FNDC1: variants seen among roughly 807,000 people sequenced by gnomAD.
FNDC1 encodes fibronectin type III domain containing 1, also known as fibronectin type III domain-containing protein 1.
A neutral mutation model predicts 168.0 loss-of-function variants in FNDC1; 96 were observed. That is an observed-to-expected ratio of 0.57 (90% confidence interval 0.48 to 0.68). The LOEUF is 0.68. Among genes scored for constraint, FNDC1 ranks in the 30% least tolerant of loss-of-function variants. FNDC1 has a pLI of 0.00. For synonymous variants in FNDC1, 1,099 were observed against 1,025.9 expected (o/e 1.07, Z -1.36); for missense variants, 2,587 against 2,482.1 (o/e 1.04, Z -0.90).
intron 4 of FNDC1, among the ~76,000 whole-genome samples, chr6:159,212,390 TA>T (rs1287676213): frequency 6.6e-6 from 1 of 152,264 alleles, no homozygotes; most frequent in African/African-American, 2.4e-5. Context: ...TTAAATAGTT[TA>T]ATTGCAAATG....
intron 11 of FNDC1, among the ~76,000 whole-genome samples, chr6:159,235,646 C>T (rs557948634): frequency 6.6e-6 from 1 of 152,318 alleles, no homozygotes; most frequent in East Asian, 1.9e-4. Context: ...CAGAGACAGA[C>T]AGAAACAACA....
At chr6:159,270,558 C>T (rs1201774586) in intron 22 of FNDC1, among the ~76,000 whole-genome samples, 3 of 152,162 alleles carry the variant, frequency 2.0e-5, no homozygotes, top group Non-Finnish European at 4.4e-5. Flanking sequence ...AGCACACTCA[C>T]TGGTGGAAGG....
At chr6:159,227,720 G>A (rs931891645) in intron 9 of FNDC1, among the ~76,000 whole-genome samples, 3 of 151,062 alleles carry the variant, frequency 2.0e-5, no homozygotes, top group Non-Finnish European at 4.4e-5. Context: ...TTAAATCAGG[G>A]GTGTACAATC....
chr6:159,238,799 G>A lies in FNDC1; in HGVS notation c.4180+134G>A, dbSNP rs1037248814. 9.5e-5 allele frequency: 60 copies of A among 628,758 alleles called. 1 individual carries two copies. The highest frequency in any genetic ancestry group is 1.6e-4 in the Non-Finnish European group (59 of 371,932). 38.9% of individuals were successfully genotyped at this position (628,758 alleles called of 1,614,324 possible). ...TACTTTTACCCATGTGAGAAGAAGAGCCTCAAAAGAGGCAGAACTTGGTGT... is the reference window on the plus strand; with the variant it reads ...TACTTTTACCCATGTGAGAAGAAGAACCTCAAAAGAGGCAGAACTTGGTGT... On this transcript the variant is annotated intron_variant, in intron 13 of 22. Transcript: ENST00000297267.
chr6:159,216,903 G>C (rs928604430), intron 5 of FNDC1, among the ~76,000 whole-genome samples: 1 of 152,212 alleles, frequency 6.6e-6, no homozygotes, highest in African/African-American at 2.4e-5. Context: ...TAAGATCCAG[G>C]CTCTCTTCCC....
In FNDC1 at chr6:159,199,287, C is replaced by T. The variant is rs56234641; in HGVS notation, c.305-709C>T. Among the ~76,000 whole-genome samples, 707 of 152,280 alleles carry T rather than the reference C, an allele frequency of 4.6e-3. 6 individuals are homozygous for T. Among genetic ancestry groups the T allele is most frequent in the African/African-American group, 0.016 (666 of 41,570 alleles). On this transcript the variant is annotated intron_variant, in intron 2 of 22. Transcript: ENST00000297267. ...CATGGGTCTTCATTTCCTTTCCCAT[C>T]CCATCAACTTTAGGAGCTCAGCCCA... is the stretch of plus-strand genomic sequence containing the variant.
At position 159,234,493 on chromosome 6, in the gene FNDC1, TCAAA is replaced by T; in HGVS notation, c.3967+17_3967+20del. 9 of 1,612,230 alleles carry T rather than the reference TCAAA, an allele frequency of 5.6e-6. No individual in the cohort carries two copies. Among genetic ancestry groups the T allele is most frequent in the African/African-American group, 1.3e-5 (1 of 75,052 alleles). On this transcript the variant is annotated intron_variant, in intron 11 of 22. Transcript: ENST00000297267. ...CTTACAGACAAGGTAGTTTATTTTTTCAAACAGTCTTTCTTTAAGGTGTTCAGTG... is the reference window on the plus strand; with the variant it reads ...CTTACAGACAAGGTAGTTTATTTTTTCAGTCTTTCTTTAAGGTGTTCAGTG...
intron 20 of FNDC1, 93 bp downstream of exon 20, chr6:159,265,097 G>A (rs1484550065): frequency 1.8e-6 from 2 of 1,136,382 alleles, no homozygotes; most frequent in African/African-American, 1.6e-5. Context: ...TAGAAAGTCT[G>A]GACCATTTTC....
rs1782887195 is a variant in FNDC1, at chr6:159,223,650, T to G, written c.884+5T>G. On this transcript the variant is annotated splice_donor_5th_base_variant and intron_variant, in intron 7 of 22. Transcript: ENST00000297267. Reference sequence around the variant, plus strand: ...GAAGAAAGTTGTTGCATCAAGGTACTTTTGCTTATTTATTTGTCTTTATAT... The same window carrying G: ...GAAGAAAGTTGTTGCATCAAGGTACGTTTGCTTATTTATTTGTCTTTATAT... 22 of 1,575,790 alleles carry G rather than the reference T, an allele frequency of 1.4e-5. No individual in the cohort carries two copies. Among genetic ancestry groups the G allele is most frequent in the Non-Finnish European group, 1.7e-5 (19 of 1,146,670 alleles).
chr6:159,212,143 C>T (rs1371209141), intron 4 of FNDC1, among the ~76,000 whole-genome samples: 3 of 152,154 alleles, frequency 2.0e-5, no homozygotes, highest in South Asian at 2.1e-4. Flanking sequence ...CATTAGTTGC[C>T]GCAGGTCTTC....
intron 5 of FNDC1, among the ~76,000 whole-genome samples, chr6:159,215,589 G>T (rs1782693696): frequency 6.6e-6 from 1 of 152,212 alleles, no homozygotes; most frequent in South Asian, 2.1e-4. Context: ...TCTCTAGAGG[G>T]ACAGAACTAA....
intron 1 of FNDC1, among the ~76,000 whole-genome samples, chr6:159,177,121 A>G (rs73799319): frequency 0.024 from 3,614 of 152,246 alleles, 126 homozygotes; most frequent in African/African-American, 0.081. Context: ...GGTCTGTGCC[A>G]AATTCAGTGT....
In FNDC1 at chr6:159,215,137, A is replaced by G; in HGVS notation, c.653A>G (p.Glu218Gly). The G allele has an allele frequency of 6.2e-7, 1 of 1,613,722 alleles. No individual in the cohort carries two copies. Among genetic ancestry groups the G allele is most frequent in the Non-Finnish European group, 8.5e-7 (1 of 1,179,580 alleles). Reference sequence around the variant, plus strand: ...CTGACAAGAGATGAACGGACACACGAAATTAAAAAGCTAGGTGAGTTTCAT... The same window carrying G: ...CTGACAAGAGATGAACGGACACACGGAATTAAAAAGCTAGGTGAGTTTCAT... The part of the protein sequence containing the change: ...VPLTRDERTH[E>G]IKKLASESVY... Residue 218 changes from glutamate (E) to glycine (G), a missense_variant, in exon 5 of 23, where the codon GAA becomes GGA. Coordinates refer to ENST00000297267, the MANE Select transcript of FNDC1 (RefSeq NM_032532.3).
At chr6:159,228,502 G>GT (rs1175589765) in intron 9 of FNDC1, among the ~76,000 whole-genome samples, 1 of 150,810 alleles carries the variant, frequency 6.6e-6, no homozygotes, top group Non-Finnish European at 1.5e-5. Flanking sequence ...AATGAATGCT[G>GT]TTTTTTCCAG....
At chr6:159,262,586 G>GA (rs982249747) in intron 19 of FNDC1, among the ~76,000 whole-genome samples, 2 of 152,066 alleles carry the variant, frequency 1.3e-5, no homozygotes, top group Non-Finnish European at 2.9e-5. Context: ...GAATCAATGT[G>GA]AAAAAAATAT....
In FNDC1 at chr6:159,265,009, G is replaced by T; in HGVS notation, c.5284+5G>T. 6.2e-7 allele frequency: 1 copy of T among 1,604,104 alleles called. No homozygotes were observed. The highest frequency in any genetic ancestry group is 1.1e-5 in the South Asian group (1 of 89,230). On this transcript the variant is annotated splice_donor_5th_base_variant and intron_variant, in intron 20 of 22. Transcript: ENST00000297267. The stretch of plus-strand genomic sequence containing the variant: ...TGCTTGTTGTGAGGCCCCCAGGTAA[G>T]TTTATGTTCTTGATAATCTGGACAT...
chr6:159,222,542 G>C (rs1270123138), intron 6 of FNDC1, among the ~76,000 whole-genome samples: 4 of 152,174 alleles, frequency 2.6e-5, no homozygotes, highest in Non-Finnish European at 5.9e-5. Flanking sequence ...AAAAACCCAA[G>C]AGACTACAGA....
chr6:159,170,597 G>A (rs543261006), intron 1 of FNDC1, among the ~76,000 whole-genome samples: 8 of 152,304 alleles, frequency 5.3e-5, no homozygotes, highest in Admixed American at 3.3e-4. Context: ...AATCCAAGAA[G>A]CAGACAATGA....
chr6:159,237,334 C>T (rs1783284622), intron 12 of FNDC1, among the ~76,000 whole-genome samples: 2 of 152,196 alleles, frequency 1.3e-5, no homozygotes, highest in Non-Finnish European at 1.5e-5. Context: ...CTCAGGATCA[C>T]TGAGGATTTT....
Sources: gnomAD v4.1 joint callset for allele counts (sites outside exome capture counted in the v4.1 genomes callset) on GRCh38, gnomAD v4.1.1 for gene constraint, MANE v1.5 for transcripts, NCBI Gene and HGNC (gene_info 2026-07-23, HGNC 2026-07-21) for gene names.